Variants in DIAPH2 observed in about 807,000 individuals in gnomAD.
DIAPH2 encodes the protein protein diaphanous homolog 2.
A neutral mutation model predicts 92.7 loss-of-function variants in DIAPH2; 35 were observed. The ratio of observed to expected loss-of-function variants is 0.38; its 90% CI spans 0.29 to 0.50. The LOEUF (loss-of-function observed/expected upper bound fraction) is 0.50, where lower values mean the gene tolerates loss of function less well. DIAPH2 is among the 20% of genes least tolerant of loss of function. The probability of loss-of-function intolerance (pLI) is 0.94; values close to 1 mark genes in which losing one functional copy is unlikely to be tolerated. For synonymous variants in DIAPH2, 301 were observed against 280.4 expected (o/e 1.07, Z -0.73); for missense variants, 701 against 819.5 (o/e 0.86, Z 1.77).
chrX:97,157,349 AATAATG>A, intron 22 of DIAPH2, among the ~76,000 whole-genome samples: 2 of 88,850 alleles, frequency 2.3e-5, no homozygotes, highest in African/African-American at 7.5e-5. Context: ...TAATAATAAT[AATAATG>A]ATTATAATAA....
chrX:96,987,040 C>A (rs1294372822), intron 17 of DIAPH2, among the ~76,000 whole-genome samples: 1 of 111,309 alleles, frequency 9.0e-6, no homozygotes, highest in East Asian at 2.8e-4. Context: ...ATATCATAAG[C>A]CTAAATTCAG....
At chrX:96,793,992 C>G (rs753636239) in intron 4 of DIAPH2, among the ~76,000 whole-genome samples, 2 of 111,413 alleles carry the variant, frequency 1.8e-5, no homozygotes, top group Admixed American at 1.9e-4. Context: ...AACAAAATAC[C>G]ATACGTGGAT....
rs572146258 is a variant in DIAPH2, at chrX:97,491,363, C to T, written c.3241+61618C>T. ...AGATATTGTTTATTTATCTATTCTG[C>T]CACTCTGTGTCTTTTGTTTGGGGAG... On this transcript the variant is annotated intron_variant, in intron 26 of 26. Transcript: ENST00000324765. 4.4e-4 allele frequency among the ~76,000 whole-genome samples: 49 copies of T among 111,733 alleles called. 1 individual carries two copies. In the South Asian group the frequency reaches 0.015, roughly 34 times the overall value.
chrX:97,251,437 T>C (rs1392153407), intron 23 of DIAPH2, among the ~76,000 whole-genome samples: 1 of 95,706 alleles, frequency 1.0e-5, no homozygotes, highest in Non-Finnish European at 2.0e-5. Flanking sequence ...GAAGGTCTCT[T>C]TTTTTTTTTT....
chrX:97,080,577 T>C (rs649487), intron 19 of DIAPH2, among the ~76,000 whole-genome samples: 44,974 of 107,192 alleles, frequency 0.42, 7,125 homozygotes, highest in African/African-American at 0.48. Context: ...TATAGGTTGC[T>C]ACACGATTAT....
At chrX:97,230,747 A>T (rs768768215) in intron 22 of DIAPH2, among the ~76,000 whole-genome samples, 1 of 111,822 alleles carries the variant, frequency 8.9e-6, no homozygotes, top group African/African-American at 3.2e-5. Flanking sequence ...GGGTTTCACC[A>T]TGTTGATCAG....
chrX:96,787,678 T>A (rs1180884565), intron 4 of DIAPH2, among the ~76,000 whole-genome samples: 1 of 92,651 alleles, frequency 1.1e-5, no homozygotes, highest in Non-Finnish European at 2.1e-5. Flanking sequence ...TAGACATTAC[T>A]CTTTTCTCTT....
chrX:97,252,986 G>A (rs1408912513), intron 23 of DIAPH2, among the ~76,000 whole-genome samples: 1 of 111,426 alleles, frequency 9.0e-6, no homozygotes, highest in Non-Finnish European at 1.9e-5. Flanking sequence ...GAAGCAAATT[G>A]TTTTAGAAAA....
intron 23 of DIAPH2, among the ~76,000 whole-genome samples, chrX:97,279,478 A>T (rs1230921208): frequency 6.4e-5 from 7 of 109,122 alleles, no homozygotes; most frequent in Non-Finnish European, 1.3e-4. Flanking sequence ...TAATTTTTGT[A>T]TTTTTGGTAG....
chrX:96,990,009 T>A (rs1413083392), intron 17 of DIAPH2, among the ~76,000 whole-genome samples: 1 of 112,138 alleles, frequency 8.9e-6, no homozygotes, highest in Non-Finnish European at 1.9e-5. Context: ...TACAAACACA[T>A]CTTTTAATTT....
intron 22 of DIAPH2, among the ~76,000 whole-genome samples, chrX:97,218,563 G>C (rs750715710): frequency 8.2e-5 from 9 of 109,349 alleles, no homozygotes; most frequent in Non-Finnish European, 1.7e-4. Context: ...TTAGCATCTT[G>C]ATCTAGTAGG....
chrX:97,127,701 A>G (rs752505919), intron 21 of DIAPH2, among the ~76,000 whole-genome samples: 25 of 112,728 alleles, frequency 2.2e-4, no homozygotes, highest in Non-Finnish European at 4.3e-4. Context: ...TTTAACTGAC[A>G]TACTATAAAA....
At chrX:97,283,323 A>G (rs1460378130) in intron 23 of DIAPH2, among the ~76,000 whole-genome samples, 2 of 111,776 alleles carry the variant, frequency 1.8e-5, no homozygotes, top group Admixed American at 1.9e-4. Context: ...ATGTTATCCT[A>G]GGATATAACC....
chrX:97,436,777 C>A (rs1296566411), intron 26 of DIAPH2, among the ~76,000 whole-genome samples: 1 of 111,403 alleles, frequency 9.0e-6, no homozygotes, highest in Non-Finnish European at 1.9e-5. Context: ...CACCGTTCCT[C>A]CACCTCTGCT....
At chrX:97,031,896 G>C (rs762343320) in intron 17 of DIAPH2, among the ~76,000 whole-genome samples, 1 of 111,680 alleles carries the variant, frequency 9.0e-6, no homozygotes, top group Non-Finnish European at 1.9e-5. Flanking sequence ...GATTGCAATA[G>C]CAAAAAATTC....
intron 26 of DIAPH2, among the ~76,000 whole-genome samples, chrX:97,444,307 T>TA (rs1782507766): frequency 9.1e-6 from 1 of 110,232 alleles, no homozygotes; most frequent in Non-Finnish European, 1.9e-5. Context: ...TTTTTTTTTT[T>TA]AATTTCATAC....
intron 17 of DIAPH2, among the ~76,000 whole-genome samples, chrX:97,009,117 C>T (rs1012557106): frequency 4.5e-5 from 5 of 110,185 alleles, no homozygotes; most frequent in African/African-American, 9.9e-5. Flanking sequence ...TTCTGAGAGC[C>T]GAGCTGGGTC....
chrX:96,841,333 AAGAACTC>A (rs1320638465), intron 4 of DIAPH2, among the ~76,000 whole-genome samples: 3 of 112,284 alleles, frequency 2.7e-5, no homozygotes, highest in African/African-American at 9.7e-5. Context: ...AAAATAGAGA[AAGAACTC>A]AGAAATCAAA....
At chrX:97,162,843 CGTCT>C (rs986298353) in intron 22 of DIAPH2, among the ~76,000 whole-genome samples, 1 of 111,074 alleles carries the variant, frequency 9.0e-6, no homozygotes, top group Admixed American at 9.6e-5. Flanking sequence ...TTTTTTTCCC[CGTCT>C]ATTTCTTGCT....
Sources: allele counts gnomAD v4.1 joint callset (sites outside exome capture counted in the v4.1 genomes callset), GRCh38; gene constraint gnomAD v4.1.1; transcripts MANE v1.5; gene names NCBI Gene and HGNC (gene_info 2026-07-23, HGNC 2026-07-21).